Variants in DKK3 observed in about 807,000 individuals in gnomAD.
DKK3 encodes dickkopf Wnt signaling pathway inhibitor 3, also known as dickkopf-related protein 3.
In DKK3, 22 loss-of-function variants were observed where a neutral mutation model predicts 33.2. The observed-to-expected ratio is 0.66, with a 90% CI of 0.47 to 0.95. The LOEUF (loss-of-function observed/expected upper bound fraction) is 0.95, where lower values mean the gene tolerates loss of function less well. DKK3 is among the 40% of genes least tolerant of loss of function. The probability of loss-of-function intolerance (pLI) is 0.00; values close to 1 mark genes in which losing one functional copy is unlikely to be tolerated. For synonymous variants in DKK3, 194 were observed against 188.8 expected, an observed-to-expected ratio of 1.03 and a Z score of -0.23; for missense variants, 398 against 458.4, an observed-to-expected ratio of 0.87 and a Z score of 1.20.
intron 3 of DKK3, among the ~76,000 whole-genome samples, chr11:11,992,316 C>T (rs1001288489): frequency 6.6e-6 from 1 of 152,222 alleles, no homozygotes; most frequent in Non-Finnish European, 1.5e-5. Flanking sequence ...AGTTCAGGAA[C>T]TTAACCAAAG....
chr11:11,966,824 T>TG (rs1331642334), intron 5 of DKK3, 130 bp downstream of exon 5: 1 of 1,300,418 alleles, frequency 7.7e-7, no homozygotes, highest in Non-Finnish European at 1.1e-6. Context: ...CACACACTGA[T>TG]GAGCATTTGG....
In DKK3 at chr11:12,008,467, C is replaced by CT; in HGVS notation, c.115dup (p.Ser39LysfsTer11). On this transcript the variant is annotated frameshift_variant, in exon 1 of 7. Transcript: ENST00000683431. LOFTEE classifies it high-confidence loss of function. This position sits in a 1 kb window ranked among gnomAD's most constrained non-coding sequence, Gnocchi z 4.6. The stretch of plus-strand genomic sequence containing the variant: ...GAGGGTGGCCTCCTCCTGCGGGTAG[C>CT]TGAGAGCCGGGCCGGGCTTGACTGG... The CT allele has an allele frequency of 3.1e-6, 5 of 1,608,974 alleles. No homozygotes were observed. Among genetic ancestry groups the CT allele is most frequent in the Non-Finnish European group, 4.2e-6 (5 of 1,179,388 alleles).
rs1267488992 is a variant in DKK3 at position 11,963,712 on chromosome 11, A to T, written c.*752T>A. The T allele has an allele frequency of 6.6e-6, 1 of 152,250 alleles. No individual in the cohort carries two copies. Among genetic ancestry groups the T allele is most frequent in the African/African-American group, 2.4e-5 (1 of 41,444 alleles). 9.4% of individuals were successfully genotyped at this position (152,250 alleles called of 1,614,324 possible). The stretch of plus-strand genomic sequence containing the variant: ...GGTGGCACCAAGGCTGGTGTGGGGT[A>T]GTGGAGAGAGCACTGAGCTTAGAGT... On this transcript the variant is annotated 3_prime_UTR_variant, in exon 7 of 7. Transcript: ENST00000683431.
chr11:12,007,723 C>T (rs1405992235), intron 1 of DKK3, among the ~76,000 whole-genome samples: 3 of 152,208 alleles, frequency 2.0e-5, no homozygotes, highest in Non-Finnish European at 4.4e-5. Context: ...TGTCACCCTG[C>T]TACTGAGTGG....
At chr11:12,009,138 GTCGTC>G, upstream of DKK3, 1 of 984,966 alleles carries the variant, frequency 1.0e-6, no homozygotes, top group African/African-American at 1.8e-5. Context: ...GCTCAGCAGA[GTCGTC>G]CCCTCCCCCG....
rs1383655248 is a variant in DKK3, at chr11:12,008,196, CG to C, written c.213+173del. Among the ~76,000 whole-genome samples, 1 of 152,116 alleles carries C rather than the reference CG, an allele frequency of 6.6e-6. No homozygotes were observed. Among genetic ancestry groups the C allele is most frequent in the Non-Finnish European group, 1.5e-5 (1 of 68,010 alleles). On this transcript the variant is annotated intron_variant, in intron 1 of 6. Transcript: ENST00000683431. This position sits in a 1 kb window ranked among gnomAD's most constrained non-coding sequence, Gnocchi z 4.6. ...TTTTTGGCAAGGAGGCAAAACGAGGCGGGAGTAGGGATCACCGTGCGCTGCC... is the reference window on the plus strand; with the variant it reads ...TTTTTGGCAAGGAGGCAAAACGAGGCGGAGTAGGGATCACCGTGCGCTGCC...
At chr11:12,009,424 G>C, upstream of DKK3, 1 of 891,866 alleles carries the variant, frequency 1.1e-6, no homozygotes. Context: ...CGGAGGGGCC[G>C]CAGCCCGGCC....
chr11:11,989,651 A>C (rs186300610), intron 3 of DKK3, among the ~76,000 whole-genome samples: 13 of 152,320 alleles, frequency 8.5e-5, no homozygotes, highest in Admixed American at 6.5e-4. Context: ...ATTCTGGAGA[A>C]TTCTTTTCTC....
chr11:11,980,700 C>T (rs2135036503), intron 3 of DKK3, among the ~76,000 whole-genome samples: 1 of 152,244 alleles, frequency 6.6e-6, no homozygotes, highest in African/African-American at 2.4e-5. Context: ...CCTGAGTACC[C>T]ACCCCAGTTG....
At chr11:11,987,930 GA>G (rs1292799921) in intron 3 of DKK3, among the ~76,000 whole-genome samples, 1 of 152,156 alleles carries the variant, frequency 6.6e-6, no homozygotes, top group African/African-American at 2.4e-5. Flanking sequence ...AGGGGTCCAG[GA>G]AATTAGGTCA....
intron 3 of DKK3, among the ~76,000 whole-genome samples, chr11:11,969,512 T>C (rs1847678512): frequency 1.3e-5 from 2 of 152,128 alleles, no homozygotes; most frequent in African/African-American, 4.8e-5. Flanking sequence ...GGAGGGTCTC[T>C]TTCCACCACC....
intron 3 of DKK3, among the ~76,000 whole-genome samples, chr11:11,985,300 A>G (rs763024925): frequency 2.6e-5 from 4 of 152,238 alleles, no homozygotes; most frequent in Admixed American, 6.5e-5. Flanking sequence ...CAAGACTCAG[A>G]CAAAAGGCTC....
At chr11:11,991,832 T>C (rs1451610830) in intron 3 of DKK3, among the ~76,000 whole-genome samples, 1 of 152,164 alleles carries the variant, frequency 6.6e-6, no homozygotes, top group Non-Finnish European at 1.5e-5. Context: ...CCTTTGCTTA[T>C]AAAATGAGCA....
Position 11,967,021 on chromosome 11 carries a change from GC to G in DKK3, c.605del (p.Gly202AlafsTer55). 6.2e-7 allele frequency: 1 copy of G among 1,613,984 alleles called. No homozygotes were observed. The highest frequency in any genetic ancestry group is 1.1e-5 in the South Asian group (1 of 91,076). ...GGTTGTCACAGATGGTCCCATTGCT[GC>G]CCCTGGTGGCCATTTTGGTGCAGTG... Reference protein sequence around the residue: ...WGHCTKMATRGSNGTICDNQR... With the variant: ...WGHCTKMATRXSNGTICDNQR... On this transcript the variant is annotated frameshift_variant, in exon 5 of 7. Coordinates refer to ENST00000683431, the MANE Select transcript of DKK3 (RefSeq NM_001018057.2). LOFTEE classifies it high-confidence loss of function.
In DKK3 at chr11:12,003,215, T is replaced by G. The variant is rs774456324; in HGVS notation, c.214-778A>C. On this transcript the variant is annotated intron_variant, in intron 1 of 6. Transcript: ENST00000683431. ...TAAGTCCTTGTGGCAGGACCTGTTG[T>G]TGGTGGTGGTAGGGGCAGGGGATGG... Among the ~76,000 whole-genome samples the G allele has an allele frequency of 3.2e-3, 481 of 152,252 alleles. 2 individuals carry two copies. The highest frequency in any genetic ancestry group is 4.5e-3 in the Non-Finnish European group (303 of 68,008).
intron 3 of DKK3, among the ~76,000 whole-genome samples, chr11:11,982,908 G>T (rs548012472): frequency 1.3e-5 from 2 of 152,318 alleles, no homozygotes; most frequent in South Asian, 4.1e-4. Flanking sequence ...ATAAGCCTAG[G>T]ACTGTTCACG....
intron 3 of DKK3, among the ~76,000 whole-genome samples, chr11:11,970,222 C>T (rs530073869): frequency 6.6e-6 from 1 of 152,228 alleles, no homozygotes; most frequent in African/African-American, 2.4e-5. Context: ...ACTGGGGACA[C>T]AAAGGTGAAT....
intron 1 of DKK3, among the ~76,000 whole-genome samples, chr11:12,005,367 G>A (rs1278828609): frequency 6.6e-6 from 1 of 152,222 alleles, no homozygotes; most frequent in African/African-American, 2.4e-5. Context: ...GTTTCGTAGA[G>A]GAGGAATGTG....
intron 3 of DKK3, among the ~76,000 whole-genome samples, chr11:11,971,188 G>A (rs916647808): frequency 2.0e-5 from 3 of 151,978 alleles, no homozygotes; most frequent in African/African-American, 4.8e-5. Context: ...AGGCTATATC[G>A]TTATATTATT....
Sources: allele counts gnomAD v4.1 joint callset (sites outside exome capture counted in the v4.1 genomes callset), GRCh38; gene constraint gnomAD v4.1.1; non-coding constraint Gnocchi (gnomAD v3.1); transcripts MANE v1.5; gene names NCBI Gene and HGNC (gene_info 2026-07-23, HGNC 2026-07-21).